The following LRBA variants were observed in gnomAD, a reference collection of about 807,000 sequenced individuals.
The protein encoded by LRBA is LPS responsive beige-like anchor protein, also known as lipopolysaccharide-responsive and beige-like anchor protein.
LRBA carries 176 observed loss-of-function variants against 330.0 expected under a neutral mutation model. The ratio of observed to expected loss-of-function variants is 0.53; its 90% CI spans 0.47 to 0.60. LRBA has a LOEUF of 0.60. Among genes scored for constraint, LRBA ranks in the 20% least tolerant of loss-of-function variants. The pLI is 0.00. For missense variants in LRBA, 3,259 were observed against 3,444.8 expected (o/e 0.95, Z 1.35); for synonymous variants, 1,230 against 1,193.0 (o/e 1.03, Z -0.64).
chr4:150,768,086 T>G (rs1171278487), intron 34 of LRBA, among the ~76,000 whole-genome samples: 3 of 9,700 alleles, frequency 3.1e-4, no homozygotes, highest in Non-Finnish European at 5.7e-4. Context: ...AAAAAAAAGT[T>G]TTTTTTTTCA....
intron 40 of LRBA, 147 bp from the exon 41 acceptor site, chr4:150,491,182 G>A (rs576111246): frequency 4.9e-6 from 2 of 410,864 alleles, no homozygotes; most frequent in Admixed American, 4.0e-5. Flanking sequence ...ATTTGGAGAT[G>A]AAGAAAATAA....
rs140681994 is a variant in LRBA at position 150,588,164 on chromosome 4, G to A, written c.6214C>T (p.Pro2072Ser). 7.0e-5 allele frequency: 112 copies of A among 1,608,694 alleles called. No individual in the cohort carries two copies. Among genetic ancestry groups the A allele is most frequent in the Non-Finnish European group, 8.8e-5 (104 of 1,177,806 alleles). Residue 2072 changes from proline (P) to serine (S), a missense_variant, in exon 40 of 57, where the codon CCA (proline) becomes TCA (serine). Transcript: ENST00000651943. ...ACAGAGGGGGCCACAAGCTGAGCTG[G>A]TGTGCTCAGGCTAACAGGACCTGCC... ...NLAGPVSLST[P>S]AQLVAPSVVV...
chr4:150,871,646 T>C (rs527965547), intron 18 of LRBA, among the ~76,000 whole-genome samples, 193 bp from the exon 19 acceptor site: 1 of 151,900 alleles, frequency 6.6e-6, no homozygotes, highest in East Asian at 1.9e-4. Context: ...GCTAACTATA[T>C]AAGCATAGCC....
chr4:150,603,256 A>G lies in LRBA; in HGVS notation c.5922-4125T>C, dbSNP rs543185031. On this transcript the variant is annotated intron_variant, in intron 37 of 56. Transcript: ENST00000651943. ...GTTATGGATGGCACTGAAGTTAAAT[A>G]TTATAATCTTTCTAATTATTTTTTA... Among the ~76,000 whole-genome samples the G allele has an allele frequency of 7.2e-5, 11 of 152,112 alleles. No individual in the cohort carries two copies. The South Asian group carries it at 1.9e-3, about 26-fold the overall frequency.
At chr4:150,391,903 C>T (rs899330268) in intron 47 of LRBA, among the ~76,000 whole-genome samples, 12 of 150,830 alleles carry the variant, frequency 8.0e-5, no homozygotes, top group African/African-American at 2.9e-4. Flanking sequence ...TCTTCTCCCT[C>T]CAACCCACTG....
chr4:150,604,625 A>T (rs1233957443), intron 37 of LRBA, among the ~76,000 whole-genome samples: 1 of 152,200 alleles, frequency 6.6e-6, no homozygotes, highest in East Asian at 1.9e-4. Context: ...GAATTCAAAA[A>T]AGTATGTGTA....
Position 150,436,810 on chromosome 4 carries a change from A to C in LRBA, c.6835T>G (p.Ser2279Ala). ...RAAFFAERYE[S>A]WEDDQVPKFH... is the part of the protein sequence containing the mutation. ...TTTGGAACTTGATCATCTTCCCATG[A>C]TTCATAACGCTCAGCGAAGAATGCT... The change falls in exon 45 of 57, where the codon TCA (serine) becomes GCA (alanine). Residue 2279 changes from serine (S) to alanine (A), a missense_variant. Ser to Ala is a moderately conservative substitution (Grantham distance 99, BLOSUM62 1). Coordinates refer to ENST00000651943, the MANE Select transcript of LRBA (RefSeq NM_001364905.1). 6.2e-7 allele frequency: 1 copy of C among 1,613,828 alleles called. No homozygotes were observed. Among genetic ancestry groups the C allele is most frequent in the Non-Finnish European group, 8.5e-7 (1 of 1,179,844 alleles).
At position 151,001,060 on chromosome 4, in the gene LRBA, ACT is replaced by A. The variant is rs200636461; in HGVS notation, c.216+13365_216+13366del. ...TGTCTGGAAATGGTGCAACAGCACC[ACT>A]CCACTGAGGAAAATTGCACTGGGTC... On this transcript the variant is annotated intron_variant, in intron 2 of 56. Coordinates refer to ENST00000651943, the MANE Select transcript of LRBA (RefSeq NM_001364905.1). Among the ~76,000 whole-genome samples the A allele has an allele frequency of 4.1e-3, 623 of 152,260 alleles. 6 individuals are homozygous for A. The highest frequency in any genetic ancestry group is 0.014 in the African/African-American group (596 of 41,542).
chr4:150,769,585 T>C (rs1202396603), intron 34 of LRBA, among the ~76,000 whole-genome samples: 1 of 152,208 alleles, frequency 6.6e-6, no homozygotes, highest in Non-Finnish European at 1.5e-5. Context: ...AGAGTCAGCC[T>C]TTTGGTTTTA....
intron 2 of LRBA, among the ~76,000 whole-genome samples, chr4:150,944,546 A>G (rs1736036130): frequency 6.6e-6 from 1 of 152,214 alleles, no homozygotes; most frequent in Non-Finnish European, 1.5e-5. Flanking sequence ...AGTCTATCAG[A>G]CAAAACTGAA....
intron 36 of LRBA, among the ~76,000 whole-genome samples, chr4:150,691,759 T>C (rs1305193559): frequency 1.3e-5 from 2 of 152,198 alleles, no homozygotes; most frequent in Non-Finnish European, 2.9e-5. Flanking sequence ...AAAATGCCCA[T>C]GGTGCATTTA....
chr4:150,745,063 A>G, intron 35 of LRBA, among the ~76,000 whole-genome samples: 1 of 152,128 alleles, frequency 6.6e-6, no homozygotes, highest in East Asian at 1.9e-4. Context: ...CAGTGACAGT[A>G]AACAAGAAAA....
chr4:150,319,113 G>A (rs1732124958), intron 50 of LRBA, among the ~76,000 whole-genome samples: 2 of 152,176 alleles, frequency 1.3e-5, no homozygotes, highest in Non-Finnish European at 2.9e-5. Context: ...GGTCTTAAAT[G>A]CTTAGGGTTA....
At position 150,798,156 on chromosome 4, in the gene LRBA, A is replaced by G; in HGVS notation, c.5519-14T>C. On this transcript the variant is annotated splice_polypyrimidine_tract_variant and intron_variant, in intron 33 of 56. Coordinates refer to ENST00000651943, the MANE Select transcript of LRBA (RefSeq NM_001364905.1). ...TGCAAACCAGACCTATTTTAAAGAG[A>G]ATTTTAAAAAAGAAGTTATAAAGAA... 1 of 1,540,572 alleles carries G rather than the reference A, an allele frequency of 6.5e-7. No individual in the cohort carries two copies. The highest frequency in any genetic ancestry group is 9.0e-7 in the Non-Finnish European group (1 of 1,114,600).
intron 40 of LRBA, among the ~76,000 whole-genome samples, chr4:150,507,346 A>T (rs1761232853): frequency 6.6e-6 from 1 of 152,226 alleles, no homozygotes; most frequent in Admixed American, 6.5e-5. Context: ...GGCTACAGTA[A>T]CCAAAACAGC....
intron 36 of LRBA, among the ~76,000 whole-genome samples, chr4:150,724,643 C>CA (rs1729413202): frequency 1.3e-5 from 2 of 151,898 alleles, no homozygotes; most frequent in South Asian, 2.1e-4. Flanking sequence ...ATAGTTAATT[C>CA]AAAATAGCTG....
intron 37 of LRBA, among the ~76,000 whole-genome samples, chr4:150,678,210 C>A (rs533026303): frequency 3.3e-5 from 5 of 150,020 alleles, no homozygotes; most frequent in South Asian, 2.1e-4. Context: ...CACTGCACTC[C>A]GGCCTGGGTG....
At chr4:150,679,628 G>T (rs1011158074) in intron 37 of LRBA, 1 of 152,166 alleles carries the variant, frequency 6.6e-6, no homozygotes, top group Non-Finnish European at 1.5e-5. Flanking sequence ...ATGTCTTTCA[G>T]GAAGAGACGC....
chr4:150,827,207 C>T (rs1243735481), intron 30 of LRBA, among the ~76,000 whole-genome samples: 1 of 152,190 alleles, frequency 6.6e-6, no homozygotes, highest in Non-Finnish European at 1.5e-5. Context: ...ATTAGACAAT[C>T]TGGCAGAAGG....
Sources: gnomAD v4.1 joint callset for allele counts (sites outside exome capture counted in the v4.1 genomes callset) on GRCh38, gnomAD v4.1.1 for gene constraint, MANE v1.5 for transcripts, NCBI Gene and HGNC (gene_info 2026-07-23, HGNC 2026-07-21) for gene names.